Variants in GRIP1 observed in about 807,000 individuals in gnomAD.
GRIP1 encodes glutamate receptor-interacting protein 1.
GRIP1 carries 45 observed loss-of-function variants against 129.9 expected under a neutral mutation model. That is an observed-to-expected ratio of 0.35 (90% confidence interval 0.27 to 0.44). The LOEUF (loss-of-function observed/expected upper bound fraction) is 0.44, where lower values mean the gene tolerates loss of function less well. GRIP1 is among the 20% of genes least tolerant of loss of function. GRIP1 has a pLI of 1.00. For missense variants in GRIP1, 1,196 were observed against 1,396.8 expected (o/e 0.86, Z 2.29); for synonymous variants, 530 against 520.8 (o/e 1.02, Z -0.24).
chr12:66,674,962 C>T (rs74329537), intron 1 of GRIP1, among the ~76,000 whole-genome samples: 5,157 of 152,160 alleles, frequency 0.034, 120 homozygotes, highest in East Asian at 0.076. Flanking sequence ...CACTTAGACA[C>T]CCCATTGGGA....
chr12:66,578,726 G>T (rs1252338403), intron 2 of GRIP1, among the ~76,000 whole-genome samples: 1 of 152,236 alleles, frequency 6.6e-6, no homozygotes, highest in Non-Finnish European at 1.5e-5. Flanking sequence ...CGATTGCCCA[G>T]GCTTGCTTAG....
chr12:66,767,615 G>A (rs894311469), intron 1 of GRIP1, among the ~76,000 whole-genome samples: 1 of 150,676 alleles, frequency 6.6e-6, no homozygotes, highest in South Asian at 2.1e-4. Context: ...GACTTTTGAC[G>A]GTATTAATAG....
chr12:66,754,439 C>T (rs995850759), intron 1 of GRIP1, among the ~76,000 whole-genome samples: 13 of 152,150 alleles, frequency 8.5e-5, no homozygotes, highest in East Asian at 1.9e-4. Flanking sequence ...AGCAAGCACA[C>T]GTGTACATCC....
chr12:66,798,313 G>A (rs542133557), intron 1 of GRIP1, among the ~76,000 whole-genome samples: 6 of 152,190 alleles, frequency 3.9e-5, no homozygotes, highest in South Asian at 2.1e-4. Flanking sequence ...TGTTACATCC[G>A]TGAAAGAGTA....
chr12:66,987,313 T>C (rs886606874), intron 1 of GRIP1, among the ~76,000 whole-genome samples: 6 of 152,164 alleles, frequency 3.9e-5, no homozygotes, highest in African/African-American at 1.4e-4. Flanking sequence ...CCAGTACTTG[T>C]TGAAAGAACC....
intron 22 of GRIP1, among the ~76,000 whole-genome samples, chr12:66,373,402 T>C (rs1388717433): frequency 6.6e-6 from 1 of 152,102 alleles, no homozygotes; most frequent in Non-Finnish European, 1.5e-5. Flanking sequence ...CCTCCCAACT[T>C]ATAGGTGAGG....
intron 1 of GRIP1, among the ~76,000 whole-genome samples, chr12:66,637,410 C>T (rs10784569): frequency 0.2 from 29,669 of 151,170 alleles, 3,040 homozygotes; most frequent in Non-Finnish European, 0.23. Context: ...ACATGTATGT[C>T]CATCTACATA....
chr12:66,837,339 A>G (rs1422068132), intron 1 of GRIP1, among the ~76,000 whole-genome samples: 7 of 152,204 alleles, frequency 4.6e-5, no homozygotes, highest in Non-Finnish European at 8.8e-5. Context: ...AGACAGAACA[A>G]TGAAGCAACT....
intron 1 of GRIP1, among the ~76,000 whole-genome samples, chr12:66,701,520 C>A (rs1244695914): frequency 1.3e-5 from 2 of 152,118 alleles, no homozygotes; most frequent in East Asian, 1.9e-4. Context: ...GAAAGATGTA[C>A]AAGAAACATA....
chr12:66,801,811 T>G (rs1414606658), intron 1 of GRIP1, among the ~76,000 whole-genome samples: 1 of 152,144 alleles, frequency 6.6e-6, no homozygotes, highest in African/African-American at 2.4e-5. Context: ...GGTTCATCAA[T>G]AGCATCATTA....
intron 14 of GRIP1, among the ~76,000 whole-genome samples, chr12:66,421,204 C>G (rs2057790548): frequency 6.6e-6 from 1 of 152,164 alleles, no homozygotes; most frequent in African/African-American, 2.4e-5. Flanking sequence ...TGCCATATAT[C>G]ACTTCAGTGT....
At chr12:66,505,758 A>G (rs17102569) in intron 7 of GRIP1, among the ~76,000 whole-genome samples, 3,346 of 152,292 alleles carry the variant, frequency 0.022, 111 homozygotes, top group African/African-American at 0.077. Flanking sequence ...CAATTTTGGC[A>G]TTTATTTTGC....
intron 1 of GRIP1, among the ~76,000 whole-genome samples, chr12:66,923,791 G>A (rs2041251226): frequency 6.6e-6 from 1 of 151,976 alleles, no homozygotes; most frequent in South Asian, 2.1e-4. Flanking sequence ...AGTAATTGTT[G>A]TATTTATACT....
Position 66,861,862 on chromosome 12 carries a change from T to C in GRIP1, c.58+207188A>G, listed in dbSNP as rs183764909. Among the ~76,000 whole-genome samples, 240 of 152,256 alleles carry C rather than the reference T, an allele frequency of 1.6e-3. 5 individuals are homozygous for C. Among genetic ancestry groups the C allele is most frequent in the Admixed American group, 0.014 (219 of 15,268 alleles). Reference sequence around the variant, plus strand: ...AAAGAATAAGTGGAAAAGACATAAGTCCTATGTAAGTCCTTATTGATATCT... The same window carrying C: ...AAAGAATAAGTGGAAAAGACATAAGCCCTATGTAAGTCCTTATTGATATCT... On this transcript the variant is annotated intron_variant, in intron 1 of 1. Coordinates refer to the GRIP1 transcript ENST00000643019.
At chr12:66,853,945 G>A (rs185600889) in intron 1 of GRIP1, among the ~76,000 whole-genome samples, 1 of 151,898 alleles carries the variant, frequency 6.6e-6, no homozygotes, top group Admixed American at 6.6e-5. Context: ...TGATTCACAA[G>A]CTCACTGAAA....
At chr12:66,438,915 G>T (rs553342804) in intron 13 of GRIP1, among the ~76,000 whole-genome samples, 5 of 152,248 alleles carry the variant, frequency 3.3e-5, no homozygotes, top group African/African-American at 1.2e-4. Flanking sequence ...TTTTCCACTG[G>T]AGGAGAGTGA....
At chr12:66,981,329 T>C (rs1380502982) in intron 1 of GRIP1, among the ~76,000 whole-genome samples, 1 of 152,228 alleles carries the variant, frequency 6.6e-6, no homozygotes, top group East Asian at 1.9e-4. Context: ...TCTTTTCTCA[T>C]TGTAAATTCC....
intron 1 of GRIP1, among the ~76,000 whole-genome samples, chr12:67,032,674 G>A (rs553133336): frequency 5.3e-5 from 8 of 152,160 alleles, no homozygotes; most frequent in African/African-American, 9.6e-5. Flanking sequence ...GCTCAGTTGC[G>A]ACAACCAAAA....
rs3051135 is a variant in GRIP1, at chr12:66,736,917, A to ATT, written c.-420+67134_-420+67135dup. 5.0e-4 allele frequency among the ~76,000 whole-genome samples: 70 copies of ATT among 140,288 alleles called. 1 individual carries two copies. The highest frequency in any genetic ancestry group is 3.8e-3 in the East Asian group (18 of 4,754). 92.0% of individuals were successfully genotyped at this position (140,288 alleles called of 152,430 possible). On this transcript the variant is annotated intron_variant, in intron 1 of 4. Transcript: ENST00000538373. ...TGCTTTGATATACAGTTTGCAAGTC[A>ATT]TTTTTTTTTTTTTTTTTGAAATTGT...
Sources: allele counts gnomAD v4.1 joint callset (sites outside exome capture counted in the v4.1 genomes callset), GRCh38; gene constraint gnomAD v4.1.1; transcripts MANE v1.5; gene names NCBI Gene and HGNC (gene_info 2026-07-23, HGNC 2026-07-21).